The following PTPRD variants were observed in gnomAD, a reference collection of about 807,000 sequenced individuals.
PTPRD encodes protein tyrosine phosphatase receptor type D, also known as receptor-type tyrosine-protein phosphatase delta.
Under a neutral mutation model 214.5 loss-of-function variants are expected in PTPRD, and 34 were observed. The observed-to-expected ratio is 0.16, with a 90% CI of 0.12 to 0.21. The LOEUF (loss-of-function observed/expected upper bound fraction) is 0.21, where lower values mean the gene tolerates loss of function less well. Ranked by LOEUF, PTPRD falls within the 10% of genes least tolerant of loss-of-function variation. The pLI is 1.00. For synonymous variants in PTPRD, 1,128 were observed against 845.7 expected (o/e 1.33, Z -5.79); for missense variants, 2,545 against 2,398.7 (o/e 1.06, Z -1.27).
intron 5 of PTPRD, among the ~76,000 whole-genome samples, chr9:9,858,177 T>C (rs1226734388): frequency 3.9e-5 from 6 of 152,200 alleles, no homozygotes; most frequent in Non-Finnish European, 8.8e-5. Flanking sequence ...TGATAAATCT[T>C]TTTCATCATT....
intron 5 of PTPRD, among the ~76,000 whole-genome samples, chr9:9,819,079 A>G (rs1295542017): frequency 6.6e-6 from 1 of 152,140 alleles, no homozygotes; most frequent in Admixed American, 6.6e-5. Context: ...TAGGTAGCAT[A>G]TATTTGAATA....
At chr9:9,627,901 G>T (rs2095472721) in intron 7 of PTPRD, among the ~76,000 whole-genome samples, 1 of 152,150 alleles carries the variant, frequency 6.6e-6, no homozygotes, top group Non-Finnish European at 1.5e-5. Context: ...GAGAAAAAGT[G>T]TATGTTAGAG....
intron 2 of PTPRD, among the ~76,000 whole-genome samples, chr9:10,545,069 G>A (rs1052023302): frequency 5.9e-5 from 9 of 152,138 alleles, no homozygotes; most frequent in African/African-American, 9.7e-5. Context: ...CATTAGAGAC[G>A]TATTTTACTG....
intron 4 of PTPRD, among the ~76,000 whole-genome samples, chr9:9,971,772 C>CA (rs2154049409): frequency 6.6e-6 from 1 of 152,100 alleles, no homozygotes; most frequent in Non-Finnish European, 1.5e-5. Flanking sequence ...ATAATAATTT[C>CA]AAAAAATGTA....
intron 17 of PTPRD, among the ~76,000 whole-genome samples, chr9:8,525,822 C>T (rs922695697): frequency 2.0e-5 from 3 of 151,914 alleles, no homozygotes; most frequent in African/African-American, 7.3e-5. Flanking sequence ...TCACAAAACC[C>T]CAAGAAAAAT....
chr9:8,851,063 A>C (rs2097799230), intron 11 of PTPRD, among the ~76,000 whole-genome samples: 1 of 152,096 alleles, frequency 6.6e-6, no homozygotes, highest in African/African-American at 2.4e-5. Flanking sequence ...CCATCAATAC[A>C]TTTGACCTCA....
chr9:8,966,155 G>C (rs1243128438), intron 11 of PTPRD, among the ~76,000 whole-genome samples: 1 of 151,978 alleles, frequency 6.6e-6, no homozygotes, highest in Admixed American at 6.6e-5. Flanking sequence ...CATGCATATG[G>C]ATTGGAAGAC....
chr9:9,787,471 G>A (rs34998135), intron 5 of PTPRD, among the ~76,000 whole-genome samples: 14,843 of 147,474 alleles, frequency 0.1, 872 homozygotes, highest in South Asian at 0.23. Flanking sequence ...TTTAATTAAT[G>A]TTACTTTTTT....
intron 14 of PTPRD, among the ~76,000 whole-genome samples, chr9:8,619,488 T>C (rs1015985860): frequency 2.0e-5 from 3 of 151,940 alleles, no homozygotes; most frequent in Non-Finnish European, 4.4e-5. Context: ...ACCATAATAT[T>C]TTACAAGATA....
chr9:9,484,120 G>C (rs1438323097), intron 8 of PTPRD, among the ~76,000 whole-genome samples: 1 of 151,542 alleles, frequency 6.6e-6, no homozygotes, highest in African/African-American at 2.4e-5. Context: ...GGGTTAATAA[G>C]AGATTGATTT....
At chr9:10,058,045 C>A (rs573047801) in intron 3 of PTPRD, among the ~76,000 whole-genome samples, 1 of 151,894 alleles carries the variant, frequency 6.6e-6, no homozygotes, top group East Asian at 1.9e-4. Context: ...TGCCAGTATA[C>A]GGGTATGTGT....
intron 9 of PTPRD, among the ~76,000 whole-genome samples, chr9:9,274,392 C>G (rs1424509703): frequency 1.3e-5 from 2 of 151,326 alleles, no homozygotes; most frequent in African/African-American, 4.8e-5. Context: ...TGGTAAATGT[C>G]TGCATAAATA....
At chr9:8,372,011 G>A (rs1043785361) in intron 39 of PTPRD, among the ~76,000 whole-genome samples, 4 of 152,016 alleles carry the variant, frequency 2.6e-5, no homozygotes, top group African/African-American at 9.7e-5. Flanking sequence ...ATGGCATTAA[G>A]TTCCTTTAAC....
chr9:9,421,825 A>C (rs1430686362), intron 8 of PTPRD, among the ~76,000 whole-genome samples: 2 of 152,140 alleles, frequency 1.3e-5, no homozygotes, highest in African/African-American at 2.4e-5. Flanking sequence ...CATGGTGTGC[A>C]CTCAATAATT....
At chr9:8,905,793 T>C (rs1208332527) in intron 11 of PTPRD, among the ~76,000 whole-genome samples, 3 of 151,542 alleles carry the variant, frequency 2.0e-5, no homozygotes, top group African/African-American at 4.9e-5. Flanking sequence ...CCTTCTTCCA[T>C]TGTAGGCTAG....
chr9:8,737,181 T>C (rs2090659323), intron 11 of PTPRD, among the ~76,000 whole-genome samples: 1 of 152,204 alleles, frequency 6.6e-6, no homozygotes. Context: ...ATGTTACTCC[T>C]GGACTAGCAA....
chr9:10,487,050 A>G (rs2099137426), intron 2 of PTPRD, among the ~76,000 whole-genome samples: 1 of 152,168 alleles, frequency 6.6e-6, no homozygotes, highest in South Asian at 2.1e-4. Context: ...ATTTATCATT[A>G]TATACTGGCA....
At chr9:9,225,712 G>A (rs1391749059) in intron 9 of PTPRD, among the ~76,000 whole-genome samples, 4 of 152,008 alleles carry the variant, frequency 2.6e-5, no homozygotes, top group Admixed American at 6.6e-5. Context: ...TTCACAACAG[G>A]AAGATGGAAA....
chr9:8,833,787 G>GT (rs147042556), intron 11 of PTPRD, among the ~76,000 whole-genome samples: 85,757 of 149,580 alleles, frequency 0.57, 25,477 homozygotes, highest in African/African-American at 0.73. Context: ...TTTAATAACT[G>GT]TTAAAATTTA....
Sources: allele counts gnomAD v4.1 joint callset (sites outside exome capture counted in the v4.1 genomes callset), GRCh38; gene constraint gnomAD v4.1.1; transcripts MANE v1.5; gene names NCBI Gene and HGNC (gene_info 2026-07-23, HGNC 2026-07-21).